Variants in GULP1 observed in about 807,000 individuals in gnomAD.
GULP1 encodes the protein PTB domain-containing engulfment adapter protein 1.
A neutral mutation model predicts 40.9 loss-of-function variants in GULP1; 19 were observed. The observed-to-expected ratio is 0.46, with a 90% confidence interval of 0.32 to 0.68. The LOEUF is 0.68. Ranked by LOEUF, GULP1 falls within the 30% of genes least tolerant of loss-of-function variation. GULP1 has a pLI of 0.03. For synonymous variants in GULP1, 119 were observed against 117.6 expected (o/e 1.01, Z -0.08); for missense variants, 312 against 362.2 (o/e 0.86, Z 1.12).
At chr2:188,558,524 G>A (rs184961422) in intron 7 of GULP1, among the ~76,000 whole-genome samples, 2 of 152,240 alleles carry the variant, frequency 1.3e-5, no homozygotes, top group Non-Finnish European at 2.9e-5. Flanking sequence ...GTGTAAATTG[G>A]TACCAGTAGA....
chr2:188,411,221 T>C (rs1044110072), intron 2 of GULP1, among the ~76,000 whole-genome samples: 1 of 152,142 alleles, frequency 6.6e-6, no homozygotes, highest in African/African-American at 2.4e-5. Context: ...TGTCAGCGTA[T>C]GTTATTCATC....
chr2:188,343,740 A>C (rs1337623769), intron 1 of GULP1, among the ~76,000 whole-genome samples: 1 of 152,192 alleles, frequency 6.6e-6, no homozygotes, highest in African/African-American at 2.4e-5. Context: ...AGGGACACCT[A>C]TACTGTGATC....
chr2:188,536,997 A>G (rs934857929), intron 6 of GULP1, among the ~76,000 whole-genome samples: 11 of 151,880 alleles, frequency 7.2e-5, no homozygotes, highest in African/African-American at 2.7e-4. Flanking sequence ...TGTTATTGGT[A>G]TACAGAAATG....
intron 1 of GULP1, among the ~76,000 whole-genome samples, chr2:188,357,334 T>C (rs2045476989): frequency 1.3e-5 from 2 of 152,096 alleles, no homozygotes; most frequent in Non-Finnish European, 2.9e-5. Context: ...ATCTAGAATA[T>C]ATGATAAACT....
chr2:188,368,145 T>C (rs147546101), intron 1 of GULP1, among the ~76,000 whole-genome samples: 17 of 152,338 alleles, frequency 1.1e-4, no homozygotes, highest in African/African-American at 4.1e-4. Flanking sequence ...TAATATCTTA[T>C]GATTTAGGTA....
chr2:188,319,400 C>T (rs900370179), intron 1 of GULP1, among the ~76,000 whole-genome samples: 4 of 152,116 alleles, frequency 2.6e-5, no homozygotes, highest in African/African-American at 9.7e-5. Flanking sequence ...CAGACTTGTA[C>T]ATCTTGATGT....
At chr2:188,363,409 G>A (rs2046344905) in intron 1 of GULP1, among the ~76,000 whole-genome samples, 2 of 152,078 alleles carry the variant, frequency 1.3e-5, no homozygotes, top group African/African-American at 4.8e-5. Flanking sequence ...TAGTTTAGAT[G>A]TTTGCAGGGA....
chr2:188,371,967 A>G (rs1171821448), intron 1 of GULP1, among the ~76,000 whole-genome samples: 1 of 151,040 alleles, frequency 6.6e-6, no homozygotes, highest in East Asian at 2.0e-4. Context: ...CAGGCTTCAG[A>G]GAAAGTTAGA....
intron 2 of GULP1, among the ~76,000 whole-genome samples, chr2:188,428,696 A>G (rs1010367384): frequency 6.6e-6 from 1 of 152,144 alleles, no homozygotes; most frequent in African/African-American, 2.4e-5. Flanking sequence ...AGATGCTGCC[A>G]TGCTTTCTAT....
intron 2 of GULP1, among the ~76,000 whole-genome samples, chr2:188,471,788 C>T (rs1056404387): frequency 1.3e-5 from 2 of 152,110 alleles, no homozygotes; most frequent in Non-Finnish European, 2.9e-5. Context: ...AGTCTTTCTG[C>T]TTCAGAGTAG....
In GULP1 at chr2:188,411,539, C is replaced by T. The variant is rs146233776; in HGVS notation, c.-45+27650C>T. On this transcript the variant is annotated intron_variant, in intron 2 of 11. Transcript: ENST00000409830. ...GAGTGGTGTCCACAGAAAGGGTCATCCTACCCAGTTGATTATTAAAATCCT... is the reference window on the plus strand; with the variant it reads ...GAGTGGTGTCCACAGAAAGGGTCATTCTACCCAGTTGATTATTAAAATCCT... Among the ~76,000 whole-genome samples the T allele has an allele frequency of 2.2e-4, 33 of 152,274 alleles. No homozygotes were observed. In the East Asian group the frequency reaches 5.8e-3, roughly 27 times the overall value.
intron 2 of GULP1, among the ~76,000 whole-genome samples, chr2:188,401,156 G>GA: frequency 6.6e-6 from 1 of 151,630 alleles, no homozygotes; most frequent in East Asian, 1.9e-4. Flanking sequence ...TTAGAGAATT[G>GA]AAAAAAGTAT....
At chr2:188,424,798 A>G (rs951055886) in intron 2 of GULP1, among the ~76,000 whole-genome samples, 3 of 151,952 alleles carry the variant, frequency 2.0e-5, no homozygotes, top group Admixed American at 6.6e-5. Flanking sequence ...CCATGTAACA[A>G]ATAAATGTCA....
chr2:188,494,085 C>T (rs1302563987), intron 4 of GULP1, among the ~76,000 whole-genome samples: 1 of 152,014 alleles, frequency 6.6e-6, no homozygotes, highest in Admixed American at 6.6e-5. Flanking sequence ...TGACATAATG[C>T]ATTCCCAGAC....
At chr2:188,415,293 A>G (rs1020684058) in intron 2 of GULP1, among the ~76,000 whole-genome samples, 3 of 152,168 alleles carry the variant, frequency 2.0e-5, no homozygotes, top group Non-Finnish European at 2.9e-5. Flanking sequence ...TTTGGTTCCT[A>G]TATCTCAGGG....
At chr2:188,477,759 G>T (rs751120789) in intron 3 of GULP1, 29 bp downstream of exon 3, 1 of 1,563,206 alleles carries the variant, frequency 6.4e-7, no homozygotes, top group South Asian at 1.2e-5. Context: ...TAAAACTTGG[G>T]AGTCAAGCCA....
At chr2:188,453,248 T>A (rs2058982692) in intron 2 of GULP1, among the ~76,000 whole-genome samples, 2 of 152,228 alleles carry the variant, frequency 1.3e-5, no homozygotes, top group Admixed American at 1.3e-4. Context: ...TTAATATAGA[T>A]ATACAAAACA....
intron 9 of GULP1, chr2:188,582,423 C>T (rs753145445): frequency 3.8e-5 from 18 of 471,552 alleles, no homozygotes; most frequent in Non-Finnish European, 3.5e-5. Flanking sequence ...GGTGATTCAT[C>T]TCCCTGTCTC....
chr2:188,451,261 C>G (rs1341176486), intron 2 of GULP1, among the ~76,000 whole-genome samples: 1 of 152,034 alleles, frequency 6.6e-6, no homozygotes, highest in Non-Finnish European at 1.5e-5. Context: ...CAAATGTTCA[C>G]TTTTGTTGGA....
Sources: allele counts gnomAD v4.1 joint callset (sites outside exome capture counted in the v4.1 genomes callset), GRCh38; gene constraint gnomAD v4.1.1; transcripts MANE v1.5; gene names NCBI Gene and HGNC (gene_info 2026-07-23, HGNC 2026-07-21).